The following ADGRL2 variants were observed in gnomAD, a reference collection of about 807,000 sequenced individuals.
ADGRL2 encodes adhesion G protein-coupled receptor L2, also known as calcium-independent alpha-latrotoxin receptor 2.
Under a neutral mutation model 157.4 loss-of-function variants are expected in ADGRL2, and 44 were observed. The ratio of observed to expected loss-of-function variants is 0.28; its 90% CI spans 0.22 to 0.36. The LOEUF is 0.36. Among genes scored for constraint, ADGRL2 ranks in the 10% least tolerant of loss-of-function variants. ADGRL2 has a pLI of 1.00. For synonymous variants in ADGRL2, 585 were observed against 624.7 expected (o/e 0.94, Z 0.95); for missense variants, 1,510 against 1,768.9 (o/e 0.85, Z 2.63).
At chr1:81,375,794 T>C (rs2076238496) in intron 1 of ADGRL2, among the ~76,000 whole-genome samples, 1 of 152,180 alleles carries the variant, frequency 6.6e-6, no homozygotes, top group South Asian at 2.1e-4. Flanking sequence ...AGATTCAAGC[T>C]ATAATATAGC....
At chr1:81,933,983 C>G (rs1320861997) in intron 3 of ADGRL2, among the ~76,000 whole-genome samples, 1 of 151,966 alleles carries the variant, frequency 6.6e-6, no homozygotes, top group African/African-American at 2.4e-5. Flanking sequence ...TGTATATAAA[C>G]ATATGAAATT....
At chr1:81,843,725 C>T (rs3790945) in intron 2 of ADGRL2, among the ~76,000 whole-genome samples, 21,365 of 152,086 alleles carry the variant, frequency 0.14, 1,668 homozygotes, top group East Asian at 0.2. Flanking sequence ...TAAGCTTAAT[C>T]GGATACACTG....
At position 81,993,087 on chromosome 1, in the gene ADGRL2, A is replaced by ATTTTTTTTTTT. The variant is rs71085382; in HGVS notation, c.*1964_*1974dup. 6.8e-5 allele frequency among the ~76,000 whole-genome samples: 2 copies of ATTTTTTTTTTT among 29,198 alleles called. No homozygotes were observed. The highest frequency in any genetic ancestry group is 1.1e-4 in the Non-Finnish European group (2 of 18,338). The allele number at this position is 29,198 out of a possible 152,430, so 19.2% of individuals were successfully genotyped here. ...TATATATATATATATATATATATAT[A>ATTTTTTTTTTT]TTTTTTTTTTTTTTTTTTTTTTTTT... On this transcript the variant is annotated 3_prime_UTR_variant, in exon 24 of 24. Transcript: ENST00000686636.
intron 2 of ADGRL2, among the ~76,000 whole-genome samples, chr1:81,790,725 C>A (rs1265531956): frequency 6.6e-6 from 1 of 152,166 alleles, no homozygotes; most frequent in African/African-American, 2.4e-5. Flanking sequence ...GAAAAGGTCA[C>A]TGTTCTTCAA....
intron 3 of ADGRL2, among the ~76,000 whole-genome samples, chr1:81,616,420 T>C (rs2081647531): frequency 6.6e-6 from 1 of 152,196 alleles, no homozygotes; most frequent in East Asian, 1.9e-4. Context: ...TGGTCACTGG[T>C]TGCCTATTGG....
At position 81,450,370 on chromosome 1, in the gene ADGRL2, A is replaced by G. The variant is rs1282370008; in HGVS notation, c.-248+5281A>G. Among the ~76,000 whole-genome samples, 3 of 152,288 alleles carry G rather than the reference A, an allele frequency of 2.0e-5. No individual in the cohort carries two copies. In the East Asian group the frequency reaches 5.8e-4, roughly 29 times the overall value. On this transcript the variant is annotated intron_variant, in intron 2 of 24. Transcript: ENST00000370721. ...TATTGTGTACCTGCCATCCTGTTAT[A>G]TGCTTTAATTTATTATATCTCATTC...
chr1:81,420,050 A>G (rs1212180990), intron 1 of ADGRL2, among the ~76,000 whole-genome samples: 1 of 152,182 alleles, frequency 6.6e-6, no homozygotes, highest in East Asian at 1.9e-4. Context: ...TAATTTACAG[A>G]TGTTAGAAAT....
rs148829066 is a variant in ADGRL2, at chr1:81,701,816, G to C, written c.-143+2008G>C. Among the ~76,000 whole-genome samples the C allele has an allele frequency of 1.5e-4, 23 of 152,318 alleles. No homozygotes were observed. The East Asian group carries it at 4.4e-3, about 29-fold the overall frequency. Reference sequence around the variant, plus strand: ...AGGATGTACTATAGTAAGCCAGATAGATACAGTCTCTGCATTGGCTATCTC... The same window carrying C: ...AGGATGTACTATAGTAAGCCAGATACATACAGTCTCTGCATTGGCTATCTC... On this transcript the variant is annotated intron_variant, in intron 1 of 20. Transcript: ENST00000359929.
intron 2 of ADGRL2, among the ~76,000 whole-genome samples, chr1:81,456,086 T>G (rs959386738): frequency 2.0e-5 from 3 of 152,206 alleles, no homozygotes; most frequent in African/African-American, 7.2e-5. Context: ...ATTTTAAGTA[T>G]CAATGCACTC....
At chr1:81,527,310 T>A (rs533934000) in intron 2 of ADGRL2, among the ~76,000 whole-genome samples, 5 of 152,122 alleles carry the variant, frequency 3.3e-5, no homozygotes, top group Non-Finnish European at 7.4e-5. Flanking sequence ...CCAAAATTCA[T>A]ATGTTGAAAC....
chr1:81,700,615 A>G (rs147614669), intron 1 of ADGRL2, among the ~76,000 whole-genome samples: 11 of 152,304 alleles, frequency 7.2e-5, no homozygotes, highest in Non-Finnish European at 1.5e-4. Flanking sequence ...AAAAGAGGGG[A>G]GGGAACCCAC....
intron 1 of ADGRL2, among the ~76,000 whole-genome samples, chr1:81,816,591 G>GT (rs1292865911): frequency 3.3e-5 from 5 of 151,702 alleles, no homozygotes; most frequent in Non-Finnish European, 7.4e-5. Flanking sequence ...CAATGTATAG[G>GT]TTTTTTTATT....
intron 3 of ADGRL2, among the ~76,000 whole-genome samples, chr1:81,606,725 A>C (rs2148655635): frequency 6.6e-6 from 1 of 151,102 alleles, no homozygotes; most frequent in East Asian, 2.0e-4. Context: ...ACATGCAGAT[A>C]AATTTCTCAA....
intron 1 of ADGRL2, among the ~76,000 whole-genome samples, chr1:81,396,304 T>C (rs904478447): frequency 8.5e-5 from 13 of 152,238 alleles, no homozygotes; most frequent in African/African-American, 3.1e-4. Context: ...CACTAGTTCA[T>C]TGTTGGTGTA....
chr1:81,572,155 C>T (rs2080708698), intron 2 of ADGRL2, among the ~76,000 whole-genome samples: 1 of 152,114 alleles, frequency 6.6e-6, no homozygotes, highest in Non-Finnish European at 1.5e-5. Flanking sequence ...AATTTATTGG[C>T]CTCTGACAAA....
chr1:81,793,832 A>G (rs2087463374), intron 2 of ADGRL2, among the ~76,000 whole-genome samples: 1 of 152,146 alleles, frequency 6.6e-6, no homozygotes. Flanking sequence ...TTGAATAATT[A>G]TATGAAAATG....
intron 3 of ADGRL2, among the ~76,000 whole-genome samples, chr1:81,692,734 G>A (rs1163308635): frequency 1.3e-5 from 2 of 152,312 alleles, no homozygotes; most frequent in East Asian, 1.9e-4. Flanking sequence ...ATCAGGTGTT[G>A]TAGAGCAGTA....
intron 3 of ADGRL2, among the ~76,000 whole-genome samples, chr1:81,619,043 A>G (rs1368380505): frequency 6.6e-6 from 1 of 152,214 alleles, no homozygotes; most frequent in Admixed American, 6.5e-5. Flanking sequence ...TTAATTAGTC[A>G]AATCTTGATG....
In ADGRL2 at chr1:81,867,131, A is replaced by G. The variant is rs537736797; in HGVS notation, c.73+30074A>G. Among the ~76,000 whole-genome samples the G allele has an allele frequency of 2.0e-5, 3 of 152,334 alleles. No individual in the cohort carries two copies. The South Asian group carries it at 6.2e-4, about 32-fold the overall frequency. On this transcript the variant is annotated intron_variant, in intron 2 of 23. Transcript: ENST00000686636. Reference sequence around the variant, plus strand: ...ATAGTGGTTACTTTTAAAACTGGGTAGTATAAAAAATCCTTACTAATGTTC... The same window carrying G: ...ATAGTGGTTACTTTTAAAACTGGGTGGTATAAAAAATCCTTACTAATGTTC...
Sources: gnomAD v4.1 joint callset for allele counts (sites outside exome capture counted in the v4.1 genomes callset) on GRCh38, gnomAD v4.1.1 for gene constraint, MANE v1.5 for transcripts, NCBI Gene and HGNC (gene_info 2026-07-23, HGNC 2026-07-21) for gene names.